HS6ST2: variants seen among roughly 807,000 people sequenced by gnomAD.
HS6ST2 encodes the protein heparan sulfate 6-O-sulfotransferase 2, also known as heparan-sulfate 6-O-sulfotransferase 2.
HS6ST2 carries 17 observed loss-of-function variants against 33.0 expected under a neutral mutation model. The ratio of observed to expected loss-of-function variants is 0.52; its 90% confidence interval spans 0.35 to 0.77. The LOEUF is 0.77. HS6ST2 is among the 30% of genes least tolerant of loss of function. The pLI is 0.01. For missense variants in HS6ST2, 519 were observed against 551.7 expected, an observed-to-expected ratio of 0.94 and a Z score of 0.59; for synonymous variants, 248 against 237.1, an observed-to-expected ratio of 1.05 and a Z score of -0.42.
At chrX:132,649,277 T>C (rs779843329) in intron 4 of HS6ST2, among the ~76,000 whole-genome samples, 1 of 111,346 alleles carries the variant, frequency 9.0e-6, no homozygotes, top group Non-Finnish European at 1.9e-5. Context: ...GCCACAGAAA[T>C]ATCGAATTCA....
chrX:132,813,130 C>T (rs2065364291), intron 2 of HS6ST2, among the ~76,000 whole-genome samples: 1 of 111,691 alleles, frequency 9.0e-6, no homozygotes, highest in South Asian at 3.8e-4. Context: ...GTTTCCAAAC[C>T]ACTGCCACAT....
intron 2 of HS6ST2, among the ~76,000 whole-genome samples, chrX:132,730,813 C>A (rs1183540244): frequency 1.8e-5 from 2 of 112,300 alleles, no homozygotes; most frequent in African/African-American, 6.5e-5. Context: ...ATTGCCCATT[C>A]GTCTTCCAGA....
chrX:132,653,420 G>T (rs1569477796), intron 4 of HS6ST2, among the ~76,000 whole-genome samples: 1 of 111,686 alleles, frequency 9.0e-6, no homozygotes, highest in Admixed American at 9.5e-5. Flanking sequence ...CTCGGCCCAC[G>T]ACTTTTAAAA....
chrX:132,823,164 G>C (rs956944708), intron 2 of HS6ST2, among the ~76,000 whole-genome samples: 1 of 112,390 alleles, frequency 8.9e-6, no homozygotes. Context: ...ATATGGAATG[G>C]CTTGCCTATG....
intron 2 of HS6ST2, among the ~76,000 whole-genome samples, chrX:132,953,646 A>G (rs770162555): frequency 8.9e-6 from 1 of 111,817 alleles, no homozygotes; most frequent in African/African-American, 3.3e-5. Context: ...CATCCTGCTC[A>G]GCTTTGCAGG....
At chrX:132,918,374 C>A (rs1012667394) in intron 2 of HS6ST2, among the ~76,000 whole-genome samples, 2 of 112,189 alleles carry the variant, frequency 1.8e-5, no homozygotes, top group Admixed American at 1.9e-4. Context: ...CAGGGGCAAC[C>A]CTGGTAGCTT....
chrX:132,757,015 C>A (rs2064762421), intron 2 of HS6ST2, among the ~76,000 whole-genome samples: 1 of 111,306 alleles, frequency 9.0e-6, no homozygotes, highest in South Asian at 3.9e-4. Context: ...CAAGAGTGGT[C>A]TCAGAAAACG....
chrX:132,850,347 G>A (rs959012903), intron 2 of HS6ST2, among the ~76,000 whole-genome samples: 3 of 111,556 alleles, frequency 2.7e-5, no homozygotes, highest in Non-Finnish European at 5.6e-5. Context: ...CTGGCCACCA[G>A]ATGAAGGTGC....
chrX:132,897,267 G>C (rs901007863), intron 2 of HS6ST2, among the ~76,000 whole-genome samples: 1 of 109,718 alleles, frequency 9.1e-6, no homozygotes, highest in South Asian at 4.0e-4. Context: ...TGCTGGGGGC[G>C]GGGGGAGCGG....
chrX:132,674,163 T>C (rs753599552), intron 3 of HS6ST2, among the ~76,000 whole-genome samples: 4 of 111,876 alleles, frequency 3.6e-5, no homozygotes, highest in Admixed American at 9.5e-5. Context: ...CATCCTCTTC[T>C]AGTTTCCCTT....
rs746132429 is a variant in HS6ST2, at chrX:132,741,302, GT to G, written c.948-32809del. 8.4e-4 allele frequency among the ~76,000 whole-genome samples: 81 copies of G among 96,915 alleles called. No homozygotes were observed. The Middle Eastern group carries it at 0.021, about 25-fold the overall frequency. The allele number at this position is 96,915 out of a possible 115,157, so 84.2% of individuals were successfully genotyped here. On this transcript the variant is annotated intron_variant, in intron 2 of 4. Coordinates refer to ENST00000370833, the MANE Select transcript of HS6ST2 (RefSeq NM_001394073.1). ...CAGCACGGGTTTTGTTTTTGGTTTT[GT>G]TTTTTTTTTTTTTTGAGACAGAGTC...
intron 4 of HS6ST2, among the ~76,000 whole-genome samples, chrX:132,630,469 G>C (rs1025068887): frequency 3.1e-4 from 35 of 111,395 alleles, no homozygotes; most frequent in Admixed American, 9.5e-4. Flanking sequence ...CCTCTATCCT[G>C]TACATGGTGC....
intron 2 of HS6ST2, among the ~76,000 whole-genome samples, chrX:132,772,324 CT>C (rs2064908640): frequency 9.1e-6 from 1 of 110,402 alleles, no homozygotes; most frequent in Non-Finnish European, 1.9e-5. Context: ...CCACCACACT[CT>C]AAATTTAAAA....
chrX:132,827,243 G>T (rs1029276627), intron 2 of HS6ST2, among the ~76,000 whole-genome samples: 4 of 111,202 alleles, frequency 3.6e-5, no homozygotes, highest in African/African-American at 1.3e-4. Context: ...CATTATTCAA[G>T]CCTAGAAATT....
intron 4 of HS6ST2, among the ~76,000 whole-genome samples, chrX:132,634,113 T>G (rs184568951): frequency 4.9e-4 from 55 of 112,294 alleles, no homozygotes; most frequent in African/African-American, 1.6e-3. Context: ...ATGGAGGAAA[T>G]CTAAGCCTGT....
chrX:132,807,911 G>C (rs1357600034), intron 2 of HS6ST2, among the ~76,000 whole-genome samples: 1 of 111,770 alleles, frequency 8.9e-6, no homozygotes, highest in African/African-American at 3.2e-5. Context: ...AGCAGTGGTT[G>C]GCCATTAGTG....
rs750668211 is a variant in HS6ST2, at chrX:132,878,470, A to G, written c.947+78338T>C. On this transcript the variant is annotated intron_variant, in intron 2 of 4. Transcript: ENST00000370833. ...GGGACCTTTCCCTATCTGCCTAGGG[A>G]TTTGGCTGTCTCCTGCCTCTATCAC... is the stretch of plus-strand genomic sequence containing the variant. 3.6e-5 allele frequency among the ~76,000 whole-genome samples: 4 copies of G among 112,398 alleles called. No homozygotes were observed. The East Asian group carries it at 8.5e-4, about 24-fold the overall frequency.
chrX:132,900,515 A>C (rs1468334980), intron 2 of HS6ST2, among the ~76,000 whole-genome samples: 1 of 110,931 alleles, frequency 9.0e-6, no homozygotes, highest in Admixed American at 9.7e-5. Flanking sequence ...CAAGAGTTCA[A>C]AAACAGCCTA....
rs1362960629 is a variant in HS6ST2, at chrX:132,863,113, A to G, written c.947+93695T>C. 6.3e-5 allele frequency among the ~76,000 whole-genome samples: 7 copies of G among 111,655 alleles called. No individual in the cohort carries two copies. The East Asian group carries it at 2.0e-3, about 32-fold the overall frequency. ...AAGAGGTGGTTTTCTCAGAGACAAT[A>G]TGCATGGAAGTATTTCAACTCTGTT... On this transcript the variant is annotated intron_variant, in intron 2 of 4. Transcript: ENST00000370833.
Sources: allele counts gnomAD v4.1 joint callset (sites outside exome capture counted in the v4.1 genomes callset), GRCh38; gene constraint gnomAD v4.1.1; transcripts MANE v1.5; gene names NCBI Gene and HGNC (gene_info 2026-07-23, HGNC 2026-07-21).